The following DPYD variants were observed in gnomAD, a reference collection of about 807,000 sequenced individuals.
DPYD encodes dihydropyrimidine dehydrogenase, also known as dihydropyrimidine dehydrogenase [NADP(+)].
DPYD carries 109 observed loss-of-function variants against 116.2 expected under a neutral mutation model. That is an observed-to-expected ratio of 0.94 (90% CI 0.80 to 1.10). The LOEUF (loss-of-function observed/expected upper bound fraction) is 1.10. Ranked by LOEUF, DPYD falls within the 50% of genes least tolerant of loss-of-function variation. The pLI, the probability that DPYD is intolerant of heterozygous loss-of-function variation, is 0.00. For synonymous variants in DPYD, 440 were observed against 432.0 expected (o/e 1.02, Z -0.23); for missense variants, 1,302 against 1,254.5 (o/e 1.04, Z -0.57).
chr1:97,137,213 C>T (rs777763019), intron 20 of DPYD, among the ~76,000 whole-genome samples: 1 of 152,204 alleles, frequency 6.6e-6, no homozygotes, highest in African/African-American at 2.4e-5. Flanking sequence ...ACACCAGACA[C>T]GGGCCTCAAT....
rs148388807 is a variant in DPYD, at chr1:97,315,072, C to T, written c.2059-8775G>A. Among the ~76,000 whole-genome samples, 328 of 152,070 alleles carry T rather than the reference C, an allele frequency of 2.2e-3. 1 individual carries two copies. Among genetic ancestry groups the T allele is most frequent in the Non-Finnish European group, 3.7e-3 (251 of 67,922 alleles). On this transcript the variant is annotated intron_variant, in intron 16 of 22. Coordinates refer to ENST00000370192, the MANE Select transcript of DPYD (RefSeq NM_000110.4). ...TGTTGAGGAGTCGCATAACTTTTCA[C>T]GAGAACTGATGAGTAGATATGCTAA...
intron 3 of DPYD, among the ~76,000 whole-genome samples, chr1:97,753,725 A>T (rs1487165935): frequency 6.6e-6 from 1 of 152,168 alleles, no homozygotes; most frequent in Admixed American, 6.6e-5. Context: ...TATAGAAATC[A>T]GTAAGACCAA....
intron 18 of DPYD, among the ~76,000 whole-genome samples, chr1:97,254,312 A>C (rs559903796): frequency 6.6e-6 from 1 of 152,286 alleles, no homozygotes; most frequent in African/African-American, 2.4e-5. Flanking sequence ...GCTCAAAAAT[A>C]ACCCTGCAAC....
At chr1:97,791,910 A>G (rs182555369) in intron 3 of DPYD, among the ~76,000 whole-genome samples, 7 of 152,370 alleles carry the variant, frequency 4.6e-5, no homozygotes, top group Admixed American at 2.0e-4. Flanking sequence ...TAAAAAAGAA[A>G]AAAACCCAAA....
At chr1:97,420,337 T>C (rs1388281498) in intron 14 of DPYD, among the ~76,000 whole-genome samples, 1 of 152,162 alleles carries the variant, frequency 6.6e-6, no homozygotes, top group East Asian at 1.9e-4. Flanking sequence ...GAACACTTCG[T>C]AATTTTCTGG....
chr1:97,881,222 T>C (rs1418171424), intron 2 of DPYD, among the ~76,000 whole-genome samples: 2 of 151,956 alleles, frequency 1.3e-5, no homozygotes, highest in African/African-American at 4.8e-5. Flanking sequence ...ATGAGGTTAT[T>C]AGGGTATGTC....
At chr1:97,558,018 G>C (rs1557797416) in intron 11 of DPYD, among the ~76,000 whole-genome samples, 1 of 152,122 alleles carries the variant, frequency 6.6e-6, no homozygotes, top group Non-Finnish European at 1.5e-5. Flanking sequence ...GAGAAAGCCA[G>C]AATAAATAGA....
chr1:97,654,044 C>T (rs1399986353), intron 8 of DPYD, among the ~76,000 whole-genome samples: 1 of 152,142 alleles, frequency 6.6e-6, no homozygotes, highest in African/African-American at 2.4e-5. Context: ...CAAGGTGTCT[C>T]TACAGTTTAT....
At chr1:97,476,792 C>A (rs2101868637) in intron 13 of DPYD, among the ~76,000 whole-genome samples, 1 of 151,912 alleles carries the variant, frequency 6.6e-6, no homozygotes, top group Non-Finnish European at 1.5e-5. Flanking sequence ...GCTGCAGGTT[C>A]AGTTCCAGAC....
intron 2 of DPYD, among the ~76,000 whole-genome samples, chr1:97,863,238 A>G (rs1172683578): frequency 6.6e-6 from 1 of 151,960 alleles, no homozygotes; most frequent in Non-Finnish European, 1.5e-5. Context: ...ATGCCATATG[A>G]TCATCAGAAT....
intron 16 of DPYD, among the ~76,000 whole-genome samples, chr1:97,308,083 G>A (rs1667272852): frequency 1.3e-5 from 2 of 151,800 alleles, no homozygotes; most frequent in African/African-American, 4.8e-5. Flanking sequence ...AGGCTTCCAA[G>A]TGGCTTTCAA....
intron 3 of DPYD, among the ~76,000 whole-genome samples, chr1:97,815,514 T>A (rs899433358): frequency 1.1e-4 from 16 of 152,148 alleles, no homozygotes; most frequent in Non-Finnish European, 1.5e-4. Flanking sequence ...CAAGAAAGGA[T>A]AGTCAATTGA....
intron 13 of DPYD, among the ~76,000 whole-genome samples, chr1:97,498,584 T>C (rs1001559658): frequency 6.6e-6 from 1 of 151,656 alleles, no homozygotes; most frequent in Non-Finnish European, 1.5e-5. Context: ...AAAATCATGA[T>C]ATACAGAATT....
At chr1:97,323,342 A>ATACATATGTG (rs1668444822) in intron 16 of DPYD, among the ~76,000 whole-genome samples, 1 of 106,964 alleles carries the variant, frequency 9.3e-6, no homozygotes, top group African/African-American at 3.3e-5. Flanking sequence ...ACACGTATAT[A>ATACATATGTG]TACATGTGTA....
intron 13 of DPYD, among the ~76,000 whole-genome samples, chr1:97,477,422 A>G (rs1678029986): frequency 6.6e-6 from 1 of 152,110 alleles, no homozygotes; most frequent in Non-Finnish European, 1.5e-5. Context: ...CCCTCCACCA[A>G]AGTTTTGAAC....
chr1:97,596,665 T>C (rs1426075626), intron 8 of DPYD, among the ~76,000 whole-genome samples: 2 of 152,208 alleles, frequency 1.3e-5, no homozygotes, highest in African/African-American at 2.4e-5. Context: ...GTAATAAGCA[T>C]AGCCGAAGGA....
chr1:97,109,215 T>C (rs991338048), intron 20 of DPYD, among the ~76,000 whole-genome samples: 4 of 152,126 alleles, frequency 2.6e-5, no homozygotes, highest in Non-Finnish European at 5.9e-5. Flanking sequence ...CAAAGTATTA[T>C]TACATTGTGC....
At chr1:97,591,203 T>C (rs1654493460) in intron 10 of DPYD, among the ~76,000 whole-genome samples, 1 of 152,212 alleles carries the variant, frequency 6.6e-6, no homozygotes, top group Non-Finnish European at 1.5e-5. Flanking sequence ...GCCACCCTGT[T>C]TAAAATGGCA....
chr1:97,909,576 C>T (rs1673821791), intron 1 of DPYD, among the ~76,000 whole-genome samples: 1 of 149,698 alleles, frequency 6.7e-6, no homozygotes, highest in Non-Finnish European at 1.5e-5. Context: ...CAAGCTCACA[C>T]TTTTTCAATG....
Sources: allele counts gnomAD v4.1 joint callset (sites outside exome capture counted in the v4.1 genomes callset), GRCh38; gene constraint gnomAD v4.1.1; transcripts MANE v1.5; gene names NCBI Gene and HGNC (gene_info 2026-07-23, HGNC 2026-07-21).